CCDC6: variants seen among roughly 807,000 people sequenced by gnomAD.
CCDC6 encodes coiled-coil domain containing 6.
In CCDC6, 20 loss-of-function variants were observed where a neutral mutation model predicts 56.6. The ratio of observed to expected loss-of-function variants is 0.35; its 90% CI spans 0.25 to 0.51. The LOEUF (loss-of-function observed/expected upper bound fraction) is 0.51. Among genes scored for constraint, CCDC6 ranks in the 20% least tolerant of loss-of-function variants. The probability of loss-of-function intolerance (pLI) is 0.95; values close to 1 mark genes in which losing one functional copy is unlikely to be tolerated. For synonymous variants in CCDC6, 241 were observed against 234.4 expected (o/e 1.03, Z -0.26); for missense variants, 367 against 601.1 (o/e 0.61, Z 4.07).
chr10:59,876,825 T>C (rs1292878147), intron 1 of CCDC6, among the ~76,000 whole-genome samples: 1 of 152,210 alleles, frequency 6.6e-6, no homozygotes, highest in African/African-American at 2.4e-5. Flanking sequence ...TTGAGATTTT[T>C]TGAATACAGT....
chr10:59,851,158 T>C (rs2071036200), intron 2 of CCDC6, among the ~76,000 whole-genome samples: 1 of 125,842 alleles, frequency 7.9e-6, no homozygotes, highest in East Asian at 2.3e-4. Context: ...AAAAAAAAGG[T>C]TTCTTGCAGT....
At chr10:59,882,314 G>C (rs1227407306) in intron 1 of CCDC6, among the ~76,000 whole-genome samples, 1 of 7,658 alleles carries the variant, frequency 1.3e-4, no homozygotes, top group South Asian at 5.8e-3. Flanking sequence ...AGGAAAGCCG[G>C]GGGGAGAAGG....
chr10:59,805,250 C>T (rs1323254983), intron 6 of CCDC6: 2 of 152,268 alleles, frequency 1.3e-5, no homozygotes, highest in South Asian at 4.1e-4. Context: ...CCTGCACGAG[C>T]GACCCACCCT....
chr10:59,792,957 G>A lies in CCDC6; in HGVS notation c.1385C>T (p.Thr462Ile), dbSNP rs767176927. 1.9e-6 allele frequency: 3 copies of A among 1,612,364 alleles called. No individual in the cohort carries two copies. The highest frequency in any genetic ancestry group is 2.2e-5 in the South Asian group (2 of 90,672). Residue 462 changes from threonine (T) to isoleucine (I), a missense_variant, in exon 9 of 9, where the codon ACT (threonine) becomes ATT (isoleucine). Around this residue, in one of 7 missense-constraint regions of CCDC6, gnomAD observed 54 missense variants for 60.0 expected, o/e 0.90. Transcript: ENST00000263102. ...GGGGTGCGCCGAATGTTGCGAAGGA[G>A]TAGGCTGCGAGGTGGCTGCTGAGGG... ...TVPSAATSQP[T>I]PSQHSAHPSS...
At chr10:59,888,263 A>G (rs190382596) in intron 1 of CCDC6, among the ~76,000 whole-genome samples, 1 of 152,358 alleles carries the variant, frequency 6.6e-6, no homozygotes, top group East Asian at 1.9e-4. Flanking sequence ...CTCCCCACAG[A>G]TGCTCAGACA....
intron 1 of CCDC6, 105 bp downstream of exon 1, chr10:59,906,017 T>C: frequency 1.0e-6 from 1 of 994,516 alleles, no homozygotes; most frequent in Non-Finnish European, 1.5e-6. Context: ...TCTCAGAGGG[T>C]CCCCGGGAAT....
chr10:59,854,716 C>T (rs1365454281), intron 1 of CCDC6, among the ~76,000 whole-genome samples: 3 of 152,208 alleles, frequency 2.0e-5, no homozygotes, highest in South Asian at 4.1e-4. Flanking sequence ...TCTCAAACTT[C>T]AGGATTTCAC....
chr10:59,906,121 C>G lies in CCDC6; in HGVS notation c.303+1G>C. ...GCGGCGCGTCCCCGGGGGGCACTCA[C>G]GATGGTCACGCTGGCTTTGCGCAGG... On this transcript the variant is annotated splice_donor_variant, in intron 1 of 8. Transcript: ENST00000263102. LOFTEE classifies it high-confidence loss of function. 6.3e-7 allele frequency: 1 copy of G among 1,587,370 alleles called. No homozygotes were observed. The highest frequency in any genetic ancestry group is 8.6e-7 in the Non-Finnish European group (1 of 1,163,854).
intron 3 of CCDC6, among the ~76,000 whole-genome samples, chr10:59,828,375 G>C (rs557068067): frequency 6.6e-6 from 1 of 152,148 alleles, no homozygotes; most frequent in Admixed American, 6.5e-5. Context: ...TCCTGAATAT[G>C]CTTTTTTACA....
chr10:59,810,282 A>G (rs2070662248), intron 5 of CCDC6, among the ~76,000 whole-genome samples: 1 of 152,314 alleles, frequency 6.6e-6, no homozygotes, highest in East Asian at 1.9e-4. Flanking sequence ...GCCCAATCCA[A>G]TCACTGCAAG....
chr10:59,882,070 CGCGGGGAGAAGGAAAGGAAAGCCGG>C (rs2071343181), intron 1 of CCDC6, among the ~76,000 whole-genome samples: 3 of 24,392 alleles, frequency 1.2e-4, no homozygotes, highest in South Asian at 1.4e-3. Context: ...AAAGGAAAGC[CGCGGGGAGAAGGAAAGGAAAGCCGG>C]GGGGAGAAGG....
At chr10:59,864,268 T>C (rs1190915724) in intron 1 of CCDC6, among the ~76,000 whole-genome samples, 3 of 152,340 alleles carry the variant, frequency 2.0e-5, no homozygotes, top group African/African-American at 7.2e-5. Context: ...CAGAATTCTT[T>C]ATCACCTACT....
intron 2 of CCDC6, among the ~76,000 whole-genome samples, chr10:59,837,776 A>C (rs1291318763): frequency 8.3e-5 from 12 of 145,138 alleles, no homozygotes; most frequent in Admixed American, 2.7e-4. Flanking sequence ...AAAAAGAAAG[A>C]AGAAGAAGCT....
intron 7 of CCDC6, among the ~76,000 whole-genome samples, chr10:59,797,379 C>A (rs2070529798): frequency 6.6e-6 from 1 of 151,506 alleles, no homozygotes; most frequent in South Asian, 2.1e-4. Flanking sequence ...GGTCTCACCA[C>A]AATAATGATT....
intron 1 of CCDC6, among the ~76,000 whole-genome samples, chr10:59,866,361 T>C (rs970552294): frequency 3.3e-5 from 5 of 152,222 alleles, no homozygotes; most frequent in Admixed American, 2.6e-4. Context: ...CATTTTTATC[T>C]ACTACAGTAA....
In CCDC6 at chr10:59,832,902, A is replaced by G. The variant is rs1451417553; in HGVS notation, c.454-249T>C. Among the ~76,000 whole-genome samples, 4 of 152,242 alleles carry G rather than the reference A, an allele frequency of 2.6e-5. 1 individual carries two copies. The highest frequency in any genetic ancestry group is 5.9e-5 in the Non-Finnish European group (4 of 68,028). On this transcript the variant is annotated intron_variant, in intron 2 of 8. Coordinates refer to ENST00000263102, the MANE Select transcript of CCDC6 (RefSeq NM_005436.5). Reference sequence around the variant, plus strand: ...TACTTTTTGCTACCTTTCAGGTTTTATACTATAGGCATACAAATAAATTTT... The same window carrying G: ...TACTTTTTGCTACCTTTCAGGTTTTGTACTATAGGCATACAAATAAATTTT...
chr10:59,875,705 C>G (rs566385128), intron 1 of CCDC6, among the ~76,000 whole-genome samples: 34 of 152,276 alleles, frequency 2.2e-4, no homozygotes, highest in African/African-American at 7.7e-4. Flanking sequence ...TCCATCAACC[C>G]TAATATTTTT....
Position 59,790,703 on chromosome 10 carries a change from TG to T in CCDC6, c.*2213del, listed in dbSNP as rs1268278085. On this transcript the variant is annotated 3_prime_UTR_variant, in exon 9 of 9. Coordinates refer to ENST00000263102, the MANE Select transcript of CCDC6 (RefSeq NM_005436.5). ...GTTTTATTTCGAAGTGAAATGACTTTGGGAACCAGAACATTTCTGCAGATGT... is the reference window on the plus strand; with the variant it reads ...GTTTTATTTCGAAGTGAAATGACTTTGGAACCAGAACATTTCTGCAGATGT... The T allele has an allele frequency of 9.1e-6, 2 of 220,556 alleles. No homozygotes were observed. Among genetic ancestry groups the T allele is most frequent in the Non-Finnish European group, 9.1e-6 (1 of 110,002 alleles). The allele number at this position is 220,556 out of a possible 1,614,324, so 13.7% of individuals were successfully genotyped here.
intron 3 of CCDC6, among the ~76,000 whole-genome samples, chr10:59,816,964 G>A (rs541471828): frequency 6.6e-6 from 1 of 152,154 alleles, no homozygotes; most frequent in South Asian, 2.1e-4. Flanking sequence ...CAGTTCAAGG[G>A]CAAAAAGGAG....
Sources: gnomAD v4.1 joint callset for allele counts (sites outside exome capture counted in the v4.1 genomes callset) on GRCh38, gnomAD v4.1.1 for gene constraint, gnomAD v4.1.1 regional missense constraint, MANE v1.5 for transcripts, NCBI Gene and HGNC (gene_info 2026-07-23, HGNC 2026-07-21) for gene names.